SPAG16: variants seen among roughly 807,000 people sequenced by gnomAD.
SPAG16 encodes the protein sperm-associated antigen 16 protein.
A neutral mutation model predicts 80.4 loss-of-function variants in SPAG16; 86 were observed. That is an observed-to-expected ratio of 1.07 (90% CI 0.90 to 1.28). The LOEUF (loss-of-function observed/expected upper bound fraction) is 1.28, where lower values mean the gene tolerates loss of function less well. Among genes scored for constraint, SPAG16 ranks in the 50% most tolerant of loss-of-function variants. The pLI, the probability that SPAG16 is intolerant of heterozygous loss-of-function variation, is 0.00. For synonymous variants in SPAG16, 294 were observed against 265.9 expected, an observed-to-expected ratio of 1.11 and a Z score of -1.03; for missense variants, 870 against 765.3, an observed-to-expected ratio of 1.14 and a Z score of -1.61.
At chr2:213,423,193 A>C (rs1007083868) in intron 9 of SPAG16, among the ~76,000 whole-genome samples, 3 of 152,222 alleles carry the variant, frequency 2.0e-5, no homozygotes, top group African/African-American at 7.2e-5. Flanking sequence ...GATCCAGTAC[A>C]TTCTTGCTAT....
chr2:213,857,493 C>T (rs1216123537), intron 10 of SPAG16, among the ~76,000 whole-genome samples: 1 of 152,102 alleles, frequency 6.6e-6, no homozygotes, highest in African/African-American at 2.4e-5. Flanking sequence ...AGATGACAGC[C>T]CATCTGTTTA....
chr2:214,151,082 C>T lies in SPAG16; in HGVS notation c.1720+1816C>T, dbSNP rs1222761732. On this transcript the variant is annotated intron_variant, in intron 15 of 15. Transcript: ENST00000331683. ...GGAATATGATTTCAACCTGACCTTC[C>T]CATCCCTTTGACCATTTCTTTAAGG... Among the ~76,000 whole-genome samples, 3 of 152,024 alleles carry T rather than the reference C, an allele frequency of 2.0e-5. 1 individual carries two copies. Among genetic ancestry groups the T allele is most frequent in the African/African-American group, 7.2e-5 (3 of 41,414 alleles).
chr2:214,068,317 G>T (rs1200295911), intron 13 of SPAG16, among the ~76,000 whole-genome samples: 1 of 152,036 alleles, frequency 6.6e-6, no homozygotes, highest in African/African-American at 2.4e-5. Context: ...AAGCACTATT[G>T]GTGTGTACTG....
intron 12 of SPAG16, among the ~76,000 whole-genome samples, chr2:213,957,813 C>T (rs752654512): frequency 6.6e-6 from 1 of 152,096 alleles, no homozygotes. Flanking sequence ...AGTTATAGCA[C>T]TATAATTTGA....
At chr2:214,325,256 C>T (rs13419185) in intron 15 of SPAG16, among the ~76,000 whole-genome samples, 3,956 of 152,184 alleles carry the variant, frequency 0.026, 174 homozygotes, top group African/African-American at 0.09. Flanking sequence ...GTTAAATGGA[C>T]GTGCTGGTTT....
intron 15 of SPAG16, among the ~76,000 whole-genome samples, chr2:214,349,340 G>A (rs775489117): frequency 1.3e-5 from 2 of 152,178 alleles, no homozygotes; most frequent in Non-Finnish European, 2.9e-5. Flanking sequence ...TCATATAAAT[G>A]CAGTCATACA....
chr2:214,099,585 G>A (rs2052849227), intron 13 of SPAG16, among the ~76,000 whole-genome samples: 1 of 151,996 alleles, frequency 6.6e-6, no homozygotes, highest in Non-Finnish European at 1.5e-5. Context: ...AACTAAGGTA[G>A]ATACATGAGA....
chr2:214,146,365 G>T (rs1044535272), intron 14 of SPAG16, among the ~76,000 whole-genome samples: 1 of 152,140 alleles, frequency 6.6e-6, no homozygotes, highest in African/African-American at 2.4e-5. Context: ...AGGATACAGG[G>T]CATTAGAATA....
At chr2:214,094,190 GCAAATGCTA>G (rs1219914611) in intron 13 of SPAG16, among the ~76,000 whole-genome samples, 1 of 152,070 alleles carries the variant, frequency 6.6e-6, no homozygotes, top group Non-Finnish European at 1.5e-5. Flanking sequence ...ATGGCAGTTT[GCAAATGCTA>G]CAAATGAGAG....
At chr2:214,354,515 G>A (rs1344938390) in intron 15 of SPAG16, among the ~76,000 whole-genome samples, 1 of 152,112 alleles carries the variant, frequency 6.6e-6, no homozygotes, top group Non-Finnish European at 1.5e-5. Context: ...CTTTAAAGTA[G>A]TTTTTTCCAA....
chr2:214,158,113 A>G (rs1273466555), intron 15 of SPAG16, among the ~76,000 whole-genome samples: 8 of 152,204 alleles, frequency 5.3e-5, no homozygotes, highest in East Asian at 3.9e-4. Context: ...CTTGACCTCA[A>G]CTTTATCATG....
At position 214,057,423 on chromosome 2, in the gene SPAG16, T is replaced by A. The variant is rs546061821; in HGVS notation, c.1527+43346T>A. On this transcript the variant is annotated intron_variant, in intron 13 of 15. Transcript: ENST00000331683. ...TGAACAGTAATATTATTAATCTTTT[T>A]TTTGGAGCAGTAGGTCTTAACGGTG... Among the ~76,000 whole-genome samples, 258 of 152,272 alleles carry A rather than the reference T, an allele frequency of 1.7e-3. 1 individual carries two copies. Among genetic ancestry groups the A allele is most frequent in the African/African-American group, 6.0e-3 (250 of 41,542 alleles).
rs114303758 is a variant in SPAG16 at position 214,308,303 on chromosome 2, T to C, written c.1721-101837T>C. 2.5e-3 allele frequency among the ~76,000 whole-genome samples: 379 copies of C among 152,292 alleles called. 2 individuals are homozygous for C. The highest frequency in any genetic ancestry group is 8.8e-3 in the African/African-American group (364 of 41,586). On this transcript the variant is annotated intron_variant, in intron 15 of 15. Coordinates refer to ENST00000331683, the MANE Select transcript of SPAG16 (RefSeq NM_024532.5). ...GGTCACTGCATGTGAGACGGATCTA[T>C]TGAAGACAGAATACCATTGGGTCTT...
chr2:213,396,945 G>A (rs1419666422), intron 9 of SPAG16, among the ~76,000 whole-genome samples: 1 of 151,444 alleles, frequency 6.6e-6, no homozygotes, highest in African/African-American at 2.4e-5. Flanking sequence ...CCCTTTCTTT[G>A]TACTCTATTG....
At chr2:213,791,532 C>A (rs1184064480) in intron 10 of SPAG16, among the ~76,000 whole-genome samples, 1 of 152,028 alleles carries the variant, frequency 6.6e-6, no homozygotes, top group African/African-American at 2.4e-5. Context: ...GAGCATTAAA[C>A]CATGTAAAAG....
intron 15 of SPAG16, among the ~76,000 whole-genome samples, chr2:214,353,395 TA>T (rs1009206052): frequency 2.6e-5 from 4 of 152,116 alleles, no homozygotes; most frequent in African/African-American, 7.2e-5. Flanking sequence ...TAATCAAGGC[TA>T]AAAAAAGAAG....
chr2:213,444,069 C>T (rs1465663582), intron 9 of SPAG16, among the ~76,000 whole-genome samples: 4 of 152,174 alleles, frequency 2.6e-5, no homozygotes, highest in Non-Finnish European at 2.9e-5. Flanking sequence ...CCTGGAAGTA[C>T]ACGTGCATCC....
intron 10 of SPAG16, among the ~76,000 whole-genome samples, chr2:213,815,028 TA>T (rs1197444039): frequency 3.9e-5 from 6 of 152,028 alleles, no homozygotes; most frequent in African/African-American, 9.6e-5. Context: ...TCAAAAAATA[TA>T]AAAAACCTGA....
intron 12 of SPAG16, among the ~76,000 whole-genome samples, chr2:213,956,203 G>T (rs941453383): frequency 6.6e-6 from 1 of 151,592 alleles, no homozygotes; most frequent in Non-Finnish European, 1.5e-5. Context: ...TGATCTGCCC[G>T]CCTCGGCCTC....
Sources: allele counts gnomAD v4.1 joint callset (sites outside exome capture counted in the v4.1 genomes callset), GRCh38; gene constraint gnomAD v4.1.1; transcripts MANE v1.5; gene names NCBI Gene and HGNC (gene_info 2026-07-23, HGNC 2026-07-21).